The following CENPC variants were observed in gnomAD, a reference collection of about 807,000 sequenced individuals.
CENPC encodes the protein centromere protein C.
A neutral mutation model predicts 112.1 loss-of-function variants in CENPC; 63 were observed. The observed-to-expected ratio is 0.56, with a 90% confidence interval of 0.46 to 0.69. The LOEUF (loss-of-function observed/expected upper bound fraction) is 0.69. CENPC is among the 30% of genes least tolerant of loss of function. The probability of loss-of-function intolerance (pLI) is 0.00; values close to 1 mark genes in which losing one functional copy is unlikely to be tolerated. For synonymous variants in CENPC, 333 were observed against 367.6 expected (o/e 0.91, Z 1.08); for missense variants, 1,000 against 1,103.8 (o/e 0.91, Z 1.33).
At chr4:67,534,470 CTT>C (rs765508689) in intron 4 of CENPC, among the ~76,000 whole-genome samples, 3 of 152,142 alleles carry the variant, frequency 2.0e-5, no homozygotes, top group Non-Finnish European at 4.4e-5. Context: ...TATTTACTCT[CTT>C]GAGTTTCTTA....
chr4:67,513,097 G>A (rs913707894), intron 8 of CENPC, among the ~76,000 whole-genome samples: 7 of 152,024 alleles, frequency 4.6e-5, no homozygotes, highest in African/African-American at 1.7e-4. Flanking sequence ...TGAGAAGGCT[G>A]GTATTGCTAG....
At chr4:67,521,242 A>G (rs1375161347) in intron 5 of CENPC, among the ~76,000 whole-genome samples, 1 of 150,334 alleles carries the variant, frequency 6.7e-6, no homozygotes, top group African/African-American at 2.4e-5. Context: ...ATCAATAGAC[A>G]TAAATGAGAT....
chr4:67,507,008 T>G, intron 10 of CENPC, 74 bp from the exon 11 acceptor site: 1 of 1,121,002 alleles, frequency 8.9e-7, no homozygotes, highest in Admixed American at 2.3e-5. Flanking sequence ...GATACACAGG[T>G]GGGTACAAAG....
chr4:67,535,107 G>A (rs1459246107), intron 4 of CENPC, among the ~76,000 whole-genome samples: 1 of 151,834 alleles, frequency 6.6e-6, no homozygotes, highest in Non-Finnish European at 1.5e-5. Context: ...GTAAGTCTAA[G>A]GGAAAATACA....
intron 17 of CENPC, among the ~76,000 whole-genome samples, chr4:67,486,886 G>T (rs1725107240): frequency 6.6e-6 from 1 of 150,668 alleles, no homozygotes; most frequent in South Asian, 2.1e-4. Flanking sequence ...TCATTTGAAA[G>T]ATTTCACCAC....
At position 67,493,888 on chromosome 4, in the gene CENPC, T is replaced by C. The variant is rs768318434; in HGVS notation, c.2286A>G (p.Pro762=). The C allele has an allele frequency of 6.8e-6, 11 of 1,607,446 alleles. No homozygotes were observed. In the African/African-American group the frequency reaches 1.3e-4, roughly 20 times the overall value. The change falls in exon 14 of 19, where the codon CCA becomes CCG. Residue 762 remains proline (P), a synonymous_variant. Transcript: ENST00000273853. Reference sequence around the variant, plus strand: ...TATAACATAAATAAGTTTTACCTGATGGCCTTCCTTGATAATCTATTCGCT... The same window carrying C: ...TATAACATAAATAAGTTTTACCTGACGGCCTTCCTTGATAATCTATTCGCT... ...RGERIDYQGR[P]SGGFVISGVL... is the part of the protein sequence containing the mutation.
intron 17 of CENPC, among the ~76,000 whole-genome samples, chr4:67,480,426 G>A (rs995661027): frequency 1.3e-5 from 2 of 151,974 alleles, no homozygotes; most frequent in Non-Finnish European, 2.9e-5. Context: ...ACAAATTCTT[G>A]GAAATACACA....
In CENPC at chr4:67,506,226, C is replaced by G. The variant is rs1725729222; in HGVS notation, c.2051+562G>C. ...ATGTGGTCATTTTAACATTATATGT[C>G]CAAATTCTTTAATACACCACCTTTC... On this transcript the variant is annotated intron_variant, in intron 11 of 18. Coordinates refer to ENST00000273853, the MANE Select transcript of CENPC (RefSeq NM_001812.4). Among the ~76,000 whole-genome samples, 3 of 152,242 alleles carry G rather than the reference C, an allele frequency of 2.0e-5. No individual in the cohort carries two copies. In the South Asian group the frequency reaches 6.2e-4, roughly 32 times the overall value.
At position 67,544,032 on chromosome 4, in the gene CENPC, T is replaced by A. The variant is rs1054082752; in HGVS notation, c.65+117A>T. 6.1e-6 allele frequency: 4 copies of A among 652,080 alleles called. No individual in the cohort carries two copies. In the African/African-American group the frequency reaches 7.4e-5, roughly 12 times the overall value. The allele number at this position is 652,080 out of a possible 1,614,324, so 40.4% of individuals were successfully genotyped here. On this transcript the variant is annotated intron_variant, in intron 2 of 18. Transcript: ENST00000273853. ...GTTAGTATAAGATGACTACCCTTAATCAGTGGGCACAGAAATCATTATATT... is the reference window on the plus strand; with the variant it reads ...GTTAGTATAAGATGACTACCCTTAAACAGTGGGCACAGAAATCATTATATT...
intron 12 of CENPC, among the ~76,000 whole-genome samples, chr4:67,503,633 A>T (rs1048701107): frequency 6.6e-6 from 1 of 152,158 alleles, no homozygotes; most frequent in African/African-American, 2.4e-5. Context: ...GAATTCCATA[A>T]ATATTAAAAG....
rs565740169 is a variant in CENPC at position 67,515,812 on chromosome 4, C to T, written c.831-1125G>A. On this transcript the variant is annotated intron_variant, in intron 7 of 18. Coordinates refer to ENST00000273853, the MANE Select transcript of CENPC (RefSeq NM_001812.4). Reference sequence around the variant, plus strand: ...CATAAGCACAAAAGAAATCTAGTGCCACAGAAACAGGAAAAATAAAAGGCA... The same window carrying T: ...CATAAGCACAAAAGAAATCTAGTGCTACAGAAACAGGAAAAATAAAAGGCA... Among the ~76,000 whole-genome samples, 17 of 151,736 alleles carry T rather than the reference C, an allele frequency of 1.1e-4. 1 individual carries two copies. The highest frequency in any genetic ancestry group is 3.9e-4 in the African/African-American group (16 of 41,224).
chr4:67,477,673 C>G (rs7697098), intron 17 of CENPC, among the ~76,000 whole-genome samples: 14 of 152,230 alleles, frequency 9.2e-5, no homozygotes, highest in African/African-American at 3.4e-4. Flanking sequence ...AGATCATACT[C>G]GCTCCCTAGC....
chr4:67,509,182 A>G (rs369558857), intron 9 of CENPC, 77 bp from the exon 10 acceptor site: 21 of 874,556 alleles, frequency 2.4e-5, no homozygotes, highest in African/African-American at 2.2e-4. Context: ...AACAGCATTT[A>G]TATTTGCATA....
rs1724641410 is a variant in CENPC, at chr4:67,470,844, A to G, written c.*1761T>C. ...AATCACTTAGGAATGGACAAGGAGTATCTGTAGTTGCTAACCAAAGGTTAC... is the reference window on the plus strand; with the variant it reads ...AATCACTTAGGAATGGACAAGGAGTGTCTGTAGTTGCTAACCAAAGGTTAC... On this transcript the variant is annotated 3_prime_UTR_variant, in exon 19 of 19. Transcript: ENST00000273853. The G allele has an allele frequency of 6.6e-6, 1 of 152,364 alleles. No individual in the cohort carries two copies. Among genetic ancestry groups the G allele is most frequent in the Admixed American group, 6.5e-5 (1 of 15,296 alleles). 9.4% of individuals were successfully genotyped at this position (152,364 alleles called of 1,614,324 possible). A position where few individuals can be genotyped will look rare whatever the true frequency, so the allele number is the denominator to read the frequency against.
intron 13 of CENPC, 39 bp from the exon 14 acceptor site, chr4:67,494,027 T>C (rs1310643777): frequency 7.5e-7 from 1 of 1,328,950 alleles, no homozygotes; most frequent in East Asian, 2.4e-5. Context: ...TACATAGTTT[T>C]TAGTTGATGG....
At chr4:67,508,716 T>A (rs1725804246) in intron 10 of CENPC, 98 bp downstream of exon 10, 1 of 1,123,298 alleles carries the variant, frequency 8.9e-7, no homozygotes, top group South Asian at 1.6e-5. Context: ...GCAGAGCTCT[T>A]CATGCTAATT....
rs199972728 is a variant in CENPC at position 67,506,927 on chromosome 4, T to C, written c.1912A>G (p.Arg638Gly). 5.6e-5 allele frequency: 90 copies of C among 1,600,698 alleles called. No individual in the cohort carries two copies. In the Admixed American group the frequency reaches 1.5e-3, roughly 27 times the overall value. ...KKNLDCSRST[R>G]SSKNEDNIMT... Reference sequence around the variant, plus strand: ...ATGTTATCTTCATTCTTTGAGCTTCTTGTAGATCTATAAAAATGATAAATG... The same window carrying C: ...ATGTTATCTTCATTCTTTGAGCTTCCTGTAGATCTATAAAAATGATAAATG... The change falls in exon 11 of 19, where the codon AGA becomes GGA. Residue 638 changes from arginine to glycine, a missense_variant. Physicochemically the swap from Arg to Gly is moderately radical, Grantham distance 125. Transcript: ENST00000273853.
rs74838209 is a variant in CENPC at position 67,541,640 on chromosome 4, T to C, written c.66-590A>G. ...ATCACAATCAGGATACTGATATTGA[T>C]ACAATCTACCAATGCTATTGTGATT... On this transcript the variant is annotated intron_variant, in intron 2 of 18. Coordinates refer to ENST00000273853, the MANE Select transcript of CENPC (RefSeq NM_001812.4). Among the ~76,000 whole-genome samples, 828 of 152,354 alleles carry C rather than the reference T, an allele frequency of 5.4e-3. 6 individuals are homozygous for C. Among genetic ancestry groups the C allele is most frequent in the Admixed American group, 8.3e-3 (127 of 15,302 alleles).
chr4:67,523,797 T>G (rs186904182), intron 5 of CENPC, among the ~76,000 whole-genome samples: 1 of 152,188 alleles, frequency 6.6e-6, no homozygotes, highest in South Asian at 2.1e-4. Context: ...GAAATCATGA[T>G]TCCATGAAGA....
Sources: gnomAD v4.1 joint callset for allele counts (sites outside exome capture counted in the v4.1 genomes callset) on GRCh38, gnomAD v4.1.1 for gene constraint, MANE v1.5 for transcripts, NCBI Gene and HGNC (gene_info 2026-07-23, HGNC 2026-07-21) for gene names.